Variants in ABCB11 observed in about 807,000 individuals in gnomAD.
ABCB11 encodes bile salt export pump.
A neutral mutation model predicts 148.0 loss-of-function variants in ABCB11; 95 were observed. The observed-to-expected ratio is 0.64, with a 90% CI of 0.54 to 0.76. The LOEUF (loss-of-function observed/expected upper bound fraction) is 0.76. Among genes scored for constraint, ABCB11 ranks in the 30% least tolerant of loss-of-function variants. The pLI, the probability that ABCB11 is intolerant of heterozygous loss-of-function variation, is 0.00. For missense variants in ABCB11, 1,523 were observed against 1,617.8 expected (o/e 0.94, Z 1.01); for synonymous variants, 591 against 555.4 (o/e 1.06, Z -0.90).
At chr2:168,916,271 C>G (rs1021144006), downstream of ABCB11, among the ~76,000 whole-genome samples, 2 of 152,312 alleles carry the variant, frequency 1.3e-5, no homozygotes, top group South Asian at 2.1e-4. Flanking sequence ...TCTGCTATCT[C>G]CAGCTCTCCT....
intron 5 of ABCB11, among the ~76,000 whole-genome samples, chr2:168,999,647 C>T (rs1694814907): frequency 6.6e-6 from 1 of 152,098 alleles, no homozygotes; most frequent in Non-Finnish European, 1.5e-5. Context: ...TCATCATTAA[C>T]AGTTCATTCC....
chr2:168,936,541 A>G, intron 21 of ABCB11, 108 bp from the exon 22 acceptor site: 1 of 927,824 alleles, frequency 1.1e-6, no homozygotes, highest in Non-Finnish European at 1.7e-6. Context: ...AAATATACAT[A>G]ACAATATATA....
At chr2:168,927,723 G>T (rs1176301433) in intron 25 of ABCB11, among the ~76,000 whole-genome samples, 1 of 152,174 alleles carries the variant, frequency 6.6e-6, no homozygotes, top group African/African-American at 2.4e-5. Context: ...AGACTCATGA[G>T]TTATGGAAAG....
chr2:168,999,249 T>C lies in ABCB11; in HGVS notation c.390-2527A>G, dbSNP rs569061399. Among the ~76,000 whole-genome samples, 169 of 152,046 alleles carry C rather than the reference T, an allele frequency of 1.1e-3. 1 individual carries two copies. In the Middle Eastern group the frequency reaches 0.014, roughly 12 times the overall value. ...TGAGGACTTATTTTGCTTTTTTGTT[T>C]CTTTTTACCTTGTTTTGGAAACTTT... On this transcript the variant is annotated intron_variant, in intron 5 of 27. Transcript: ENST00000650372.
chr2:169,021,670 C>T (rs1695543135), intron 1 of ABCB11, among the ~76,000 whole-genome samples: 1 of 151,848 alleles, frequency 6.6e-6, no homozygotes, highest in African/African-American at 2.4e-5. Flanking sequence ...GAACATTGTT[C>T]ATATATTAGT....
intron 14 of ABCB11, 117 bp from the exon 15 acceptor site, chr2:168,970,332 C>T (rs535083276): frequency 5.2e-6 from 8 of 1,541,358 alleles, no homozygotes; most frequent in East Asian, 2.5e-5. Flanking sequence ...TTTCACTGCT[C>T]CGACTTCCAC....
At chr2:168,989,842 C>T (rs115504026) in intron 9 of ABCB11, among the ~76,000 whole-genome samples, 5,256 of 152,062 alleles carry the variant, frequency 0.035, 127 homozygotes, top group East Asian at 0.063. Context: ...TTGTTAAATG[C>T]TTTTTCAGCA....
intron 24 of ABCB11, 34 bp downstream of exon 24, chr2:168,932,343 C>CT (rs34080185): frequency 6.5e-7 from 1 of 1,533,092 alleles, no homozygotes; most frequent in Non-Finnish European, 8.8e-7. Context: ...TGAACTCATC[C>CT]TTTTTTATGG....
At chr2:168,917,023 C>T (rs1009817039), downstream of ABCB11, among the ~76,000 whole-genome samples, 20 of 152,124 alleles carry the variant, frequency 1.3e-4, no homozygotes, top group African/African-American at 2.4e-5. Flanking sequence ...ATGTATTTTA[C>T]ACTTTCAGAA....
At chr2:169,010,790 T>C (rs1695158958) in intron 5 of ABCB11, among the ~76,000 whole-genome samples, 1 of 151,874 alleles carries the variant, frequency 6.6e-6, no homozygotes, top group Non-Finnish European at 1.5e-5. Flanking sequence ...TTCATGTCAA[T>C]GATCACAATA....
Position 168,973,769 on chromosome 2 carries a change from T to C in ABCB11, c.1380A>G (p.Gly460=), listed in dbSNP as rs2105968110. The C allele has an allele frequency of 6.2e-7, 1 of 1,612,368 alleles. No individual in the cohort carries two copies. The highest frequency in any genetic ancestry group is 2.2e-5 in the East Asian group (1 of 44,808). ...GAATGAGTTGCAGTGCTGTACTTTTTCCAGCTCCACTGGGTCCTACCAGAG... is the reference window on the plus strand; with the variant it reads ...GAATGAGTTGCAGTGCTGTACTTTTCCCAGCTCCACTGGGTCCTACCAGAG... ...MTALVGPSGA[G]KSTALQLIQR... Residue 460 remains glycine (G), a synonymous_variant, in exon 13 of 28, where the codon GGA becomes GGG. Coordinates refer to ENST00000650372, the MANE Select transcript of ABCB11 (RefSeq NM_003742.4).
At chr2:169,018,943 G>A (rs1225885817) in intron 1 of ABCB11, among the ~76,000 whole-genome samples, 1 of 152,148 alleles carries the variant, frequency 6.6e-6, no homozygotes, top group Non-Finnish European at 1.5e-5. Context: ...AGAAGCAGCT[G>A]GTATTTTCCC....
intron 10 of ABCB11, 137 bp from the exon 11 acceptor site, chr2:168,980,116 C>T: frequency 1.9e-6 from 1 of 522,326 alleles, no homozygotes; most frequent in Non-Finnish European, 3.5e-6. Context: ...AGCTCTTTGG[C>T]TGTTTGGAAA....
At chr2:169,008,530 T>C (rs2106037602) in intron 5 of ABCB11, among the ~76,000 whole-genome samples, 1 of 152,332 alleles carries the variant, frequency 6.6e-6, no homozygotes, top group Middle Eastern at 3.4e-3. Flanking sequence ...GAATCACGTC[T>C]GCATAGACCC....
intron 19 of ABCB11, among the ~76,000 whole-genome samples, chr2:168,945,368 C>A (rs1324234023): frequency 6.6e-6 from 1 of 151,904 alleles, no homozygotes; most frequent in Non-Finnish European, 1.5e-5. Flanking sequence ...TGACGATGTA[C>A]TACAGTCCTC....
chr2:168,948,181 G>C (rs543722339), intron 19 of ABCB11, among the ~76,000 whole-genome samples: 1 of 151,810 alleles, frequency 6.6e-6, no homozygotes, highest in Non-Finnish European at 1.5e-5. Context: ...GGAGATGGGT[G>C]AGGATATTCT....
intron 19 of ABCB11, among the ~76,000 whole-genome samples, chr2:168,951,907 A>G (rs1379600806): frequency 6.6e-6 from 1 of 151,616 alleles, no homozygotes; most frequent in Non-Finnish European, 1.5e-5. Flanking sequence ...ATGTCGAAGT[A>G]TGTTCCTTCT....
chr2:168,919,589 T>C (rs1422213351), downstream of ABCB11, among the ~76,000 whole-genome samples: 1 of 151,922 alleles, frequency 6.6e-6, no homozygotes, highest in East Asian at 1.9e-4. Flanking sequence ...TGTTCTTACA[T>C]CCCATATCTT....
chr2:168,958,016 A>T lies in ABCB11; in HGVS notation c.2291T>A (p.Val764Glu). ...YMLVGSVGAAVNGTVTPLYAF... is the reference protein window; with the variant it reads ...YMLVGSVGAAENGTVTPLYAF... ...ATACAAGGGTGTGACTGTCCCGTTC[A>T]CAGCTGCACCCACAGACCCTACCAG... The change falls in exon 19 of 28, where the codon GTG (valine) becomes GAG (glutamate). Residue 764 changes from valine to glutamate, a missense_variant. Val to Glu is a moderately radical substitution (Grantham distance 121, BLOSUM62 -2). Transcript: ENST00000650372. 6.2e-7 allele frequency: 1 copy of T among 1,610,320 alleles called. No homozygotes were observed. Among genetic ancestry groups the T allele is most frequent in the Non-Finnish European group, 8.5e-7 (1 of 1,177,542 alleles).
Sources: gnomAD v4.1 joint callset for allele counts (sites outside exome capture counted in the v4.1 genomes callset) on GRCh38, gnomAD v4.1.1 for gene constraint, MANE v1.5 for transcripts, NCBI Gene and HGNC (gene_info 2026-07-23, HGNC 2026-07-21) for gene names.